ITPR1: variants seen among roughly 807,000 people sequenced by gnomAD.
The protein encoded by ITPR1 is inositol 1,4,5-trisphosphate-gated calcium channel ITPR1.
A neutral mutation model predicts 318.4 loss-of-function variants in ITPR1; 96 were observed. The observed-to-expected ratio is 0.30, with a 90% CI of 0.26 to 0.36. ITPR1 has a LOEUF of 0.36. ITPR1 is among the 10% of genes least tolerant of loss of function. ITPR1 has a pLI of 1.00. For synonymous variants in ITPR1, 1,312 were observed against 1,289.9 expected (o/e 1.02, Z -0.37); for missense variants, 2,440 against 3,460.2 (o/e 0.71, Z 7.40).
At chr3:4,702,753 C>T in intron 35 of ITPR1, 77 bp from the exon 36 acceptor site, 5 of 1,478,652 alleles carry the variant, frequency 3.4e-6, no homozygotes, top group Non-Finnish European at 4.6e-6. Context: ...AAGACAATGT[C>T]TCTGTCTCTG....
In ITPR1 at chr3:4,833,047, G is replaced by T. The variant is rs1355091066; in HGVS notation, c.8029-3727G>T. ...CACAGTTCTTGGACTAAAGCAGCTT[G>T]AGAATAGAGACCTTGTCTTTCTCAT... On this transcript the variant is annotated intron_variant, in intron 60 of 61. Transcript: ENST00000649015. Among the ~76,000 whole-genome samples the T allele has an allele frequency of 5.3e-5, 8 of 152,356 alleles. No individual in the cohort carries two copies. The South Asian group carries it at 1.4e-3, about 28-fold the overall frequency.
intron 44 of ITPR1, among the ~76,000 whole-genome samples, chr3:4,764,376 A>T (rs1183384716): frequency 6.6e-6 from 1 of 152,192 alleles, no homozygotes; most frequent in Non-Finnish European, 1.5e-5. Flanking sequence ...GTGTTGGGTT[A>T]TATTCATTCT....
intron 4 of ITPR1, among the ~76,000 whole-genome samples, chr3:4,548,525 C>G (rs972267108): frequency 6.6e-6 from 1 of 152,118 alleles, no homozygotes; most frequent in Non-Finnish European, 1.5e-5. Flanking sequence ...CACCTTTTCC[C>G]GAAGCCCGTA....
chr3:4,834,147 C>T (rs2050717171), intron 60 of ITPR1, among the ~76,000 whole-genome samples: 2 of 152,186 alleles, frequency 1.3e-5, no homozygotes, highest in Admixed American at 1.3e-4. Context: ...CCCACCTCGG[C>T]CTCCCAAAGC....
chr3:4,604,204 T>G (rs1053207785), intron 4 of ITPR1, among the ~76,000 whole-genome samples: 15 of 152,180 alleles, frequency 9.9e-5, no homozygotes, highest in Non-Finnish European at 1.6e-4. Flanking sequence ...GAGAGGCACA[T>G]ACATTTAACA....
chr3:4,843,551 CTG>C (rs1385061995), intron 61 of ITPR1, among the ~76,000 whole-genome samples: 1 of 152,146 alleles, frequency 6.6e-6, no homozygotes, highest in Non-Finnish European at 1.5e-5. Context: ...TGTTTCTGAT[CTG>C]TGTTTTAACA....
chr3:4,823,861 T>C (rs2049887435), intron 60 of ITPR1, among the ~76,000 whole-genome samples: 1 of 152,246 alleles, frequency 6.6e-6, no homozygotes, highest in Non-Finnish European at 1.5e-5. Context: ...ATTTCATATA[T>C]ACCCCATACA....
At chr3:4,627,148 A>G (rs2125127967) in intron 4 of ITPR1, among the ~76,000 whole-genome samples, 1 of 149,556 alleles carries the variant, frequency 6.7e-6, no homozygotes, top group African/African-American at 2.6e-5. Context: ...ATTGAATAGT[A>G]CTGAAGAGAG....
chr3:4,704,486 A>G (rs1049288885), intron 36 of ITPR1, among the ~76,000 whole-genome samples: 2 of 152,034 alleles, frequency 1.3e-5, no homozygotes, highest in South Asian at 4.1e-4. Flanking sequence ...CATACCCTAA[A>G]CCTCAGCATT....
rs547436714 is a variant in ITPR1, at chr3:4,775,295, C to G, written c.6033C>G (p.Thr2011=). Residue 2011 remains threonine (T), a synonymous_variant, in exon 47 of 62, where the codon ACC becomes ACG. Coordinates refer to ENST00000649015, the MANE Select transcript of ITPR1 (RefSeq NM_001378452.1). ...CCAACTACAATTTGGTATGTGAGAC[C>G]CTGCAGTTTCTGGACTGTATTTGTG... ...NKTNYNLVCE[T]LQFLDCICGS... is the part of the protein sequence containing the mutation. 1 of 1,614,076 alleles carries G rather than the reference C, an allele frequency of 6.2e-7. No individual in the cohort carries two copies. Among genetic ancestry groups the G allele is most frequent in the African/African-American group, 1.3e-5 (1 of 75,028 alleles).
intron 44 of ITPR1, among the ~76,000 whole-genome samples, chr3:4,753,123 G>T (rs1024491892): frequency 6.6e-6 from 1 of 152,218 alleles, no homozygotes; most frequent in Non-Finnish European, 1.5e-5. Flanking sequence ...GAAGAGGGTT[G>T]GCTTGTGCTT....
chr3:4,783,899 C>G lies in ITPR1; in HGVS notation c.6594C>G (p.Ala2198=). 1 of 1,607,696 alleles carries G rather than the reference C, an allele frequency of 6.2e-7. No homozygotes were observed. The highest frequency in any genetic ancestry group is 1.1e-5 in the South Asian group (1 of 89,456). The part of the protein sequence containing the change: ...VDGDEALEFY[A]KHTAQIEIVR... ...GAGATGAAGCCCTGGAGTTTTATGC[C>G]AAGCACACGGCGCAGATAGAGGTAA... is the stretch of plus-strand genomic sequence containing the variant. The change falls in exon 51 of 62, where the codon GCC becomes GCG. Residue 2198 remains alanine (A), a synonymous_variant. Coordinates refer to ENST00000649015, the MANE Select transcript of ITPR1 (RefSeq NM_001378452.1).
intron 20 of ITPR1, 111 bp from the exon 21 acceptor site, chr3:4,673,025 T>G: frequency 8.4e-7 from 1 of 1,183,964 alleles, no homozygotes; most frequent in Non-Finnish European, 1.2e-6. Context: ...GATGTATGAG[T>G]TTAGTTGGCC....
intron 44 of ITPR1, among the ~76,000 whole-genome samples, chr3:4,757,032 T>C (rs1473594621): frequency 6.6e-6 from 1 of 152,220 alleles, no homozygotes; most frequent in Non-Finnish European, 1.5e-5. Context: ...GGTAAGACCC[T>C]CATTTTTTAG....
Position 4,676,622 on chromosome 3 carries a change from G to T in ITPR1, c.2788G>T (p.Val930Leu), listed in dbSNP as rs369458550. 6.2e-7 allele frequency: 1 copy of T among 1,613,486 alleles called. No individual in the cohort carries two copies. The highest frequency in any genetic ancestry group is 8.5e-7 in the Non-Finnish European group (1 of 1,179,618). The change falls in exon 24 of 62, where the codon GTG becomes TTG. Residue 930 changes from valine (V) to leucine (L), a missense_variant. Physicochemically the swap from Val to Leu is conservative, Grantham distance 32. Around this residue, in one of 23 missense-constraint regions of ITPR1, gnomAD observed 478 missense variants for 696.3 expected, o/e 0.69. Transcript: ENST00000649015. ...CTCCTGGCCTTTCCTAGGCAGTAACGTGATGAGATCTATTCATGGCGTGGG... is the reference window on the plus strand; with the variant it reads ...CTCCTGGCCTTTCCTAGGCAGTAACTTGATGAGATCTATTCATGGCGTGGG... ...NDVEKLKSSNVMRSIHGVGEL... is the reference protein window; with the variant it reads ...NDVEKLKSSNLMRSIHGVGEL...
chr3:4,800,228 G>C, intron 53 of ITPR1, 197 bp from the exon 54 acceptor site: 1 of 538,506 alleles, frequency 1.9e-6, no homozygotes, highest in Admixed American at 4.0e-5. Flanking sequence ...CCCAGCAGAA[G>C]GAGCATGTGT....
intron 2 of ITPR1, among the ~76,000 whole-genome samples, chr3:4,515,697 A>G (rs936764829): frequency 6.6e-6 from 1 of 152,166 alleles, no homozygotes; most frequent in African/African-American, 2.4e-5. Flanking sequence ...TTTCTGAGCT[A>G]TGTAGAGATT....
At chr3:4,688,419 C>T in intron 30 of ITPR1, 76 bp from the exon 31 acceptor site, 1 of 1,560,758 alleles carries the variant, frequency 6.4e-7, no homozygotes, top group Non-Finnish European at 8.8e-7. Flanking sequence ...CCCACGTTAG[C>T]AGGAGGTGTT....
At chr3:4,575,800 C>T (rs564655850) in intron 4 of ITPR1, among the ~76,000 whole-genome samples, 12 of 151,656 alleles carry the variant, frequency 7.9e-5, no homozygotes, top group East Asian at 3.9e-4. Context: ...GCAGAAGCAT[C>T]GCTTGAGGCC....
Sources: allele counts gnomAD v4.1 joint callset (sites outside exome capture counted in the v4.1 genomes callset), GRCh38; gene constraint gnomAD v4.1.1; regional missense constraint gnomAD v4.1.1; transcripts MANE v1.5; gene names NCBI Gene and HGNC (gene_info 2026-07-23, HGNC 2026-07-21).